ZPLD1: variants seen among roughly 807,000 people sequenced by gnomAD.
ZPLD1 encodes zona pellucida-like domain-containing protein 1.
Under a neutral mutation model 47.2 loss-of-function variants are expected in ZPLD1, and 34 were observed. That is an observed-to-expected ratio of 0.72 (90% CI 0.55 to 0.96). The LOEUF (loss-of-function observed/expected upper bound fraction) is 0.96, where lower values mean the gene tolerates loss of function less well. ZPLD1 is among the 40% of genes least tolerant of loss of function. ZPLD1 has a pLI of 0.00. For missense variants in ZPLD1, 512 were observed against 505.8 expected, an observed-to-expected ratio of 1.01 and a Z score of -0.12; for synonymous variants, 176 against 186.2, an observed-to-expected ratio of 0.95 and a Z score of 0.45.
At chr3:102,456,553 C>A (rs62272488) in intron 5 of ZPLD1, among the ~76,000 whole-genome samples, 179 bp downstream of exon 5, 5 of 99,176 alleles carry the variant, frequency 5.0e-5, no homozygotes, top group Non-Finnish European at 9.3e-5. Context: ...TTATATCTAT[C>A]TATCTATCTA....
chr3:102,426,245 C>A (rs1018025534), intron 8 of ZPLD1, among the ~76,000 whole-genome samples: 1 of 152,070 alleles, frequency 6.6e-6, no homozygotes, highest in South Asian at 2.1e-4. Context: ...GGGCCGGGTG[C>A]GGTGGCTCAC....
intron 6 of ZPLD1, among the ~76,000 whole-genome samples, chr3:102,391,934 C>A (rs538894962): frequency 6.6e-6 from 1 of 152,106 alleles, no homozygotes; most frequent in African/African-American, 2.4e-5. Context: ...TTTTCGAGCT[C>A]ATAGCTAAGA....
intron 3 of ZPLD1, among the ~76,000 whole-genome samples, chr3:102,445,545 C>A (rs1234317058): frequency 6.6e-6 from 1 of 152,226 alleles, no homozygotes; most frequent in African/African-American, 2.4e-5. Flanking sequence ...GAAGTTGTAA[C>A]ATCAGCATCA....
At chr3:102,473,570 T>A (rs919425818) in intron 10 of ZPLD1, among the ~76,000 whole-genome samples, 2 of 152,146 alleles carry the variant, frequency 1.3e-5, no homozygotes, top group African/African-American at 4.8e-5. Flanking sequence ...TCCTCTCTCA[T>A]TCTCTCTCGA....
chr3:102,408,615 T>C (rs1000138127), intron 7 of ZPLD1, among the ~76,000 whole-genome samples: 1 of 151,842 alleles, frequency 6.6e-6, no homozygotes, highest in South Asian at 2.1e-4. Flanking sequence ...TTTCTTGCAA[T>C]TTAACTTTGC....
At chr3:102,470,839 T>A (rs1707672797) in intron 10 of ZPLD1, among the ~76,000 whole-genome samples, 2 of 151,974 alleles carry the variant, frequency 1.3e-5, no homozygotes, top group Non-Finnish European at 2.9e-5. Flanking sequence ...GGTGCAGTGG[T>A]GTGATCTCGG....
intron 3 of ZPLD1, among the ~76,000 whole-genome samples, chr3:102,442,189 T>C (rs1363172651): frequency 6.6e-6 from 1 of 152,138 alleles, no homozygotes; most frequent in Non-Finnish European, 1.5e-5. Flanking sequence ...AGTCTCCTCC[T>C]CTATTTTCAA....
intron 7 of ZPLD1, among the ~76,000 whole-genome samples, chr3:102,401,519 G>A (rs1290234607): frequency 6.6e-6 from 1 of 152,058 alleles, no homozygotes; most frequent in African/African-American, 2.4e-5. Flanking sequence ...GTCTTCACAC[G>A]ATACCTTAGA....
chr3:102,438,779 G>T (rs1170928360), intron 3 of ZPLD1, among the ~76,000 whole-genome samples, 186 bp downstream of exon 3: 1 of 151,748 alleles, frequency 6.6e-6, no homozygotes, highest in Non-Finnish European at 1.5e-5. Context: ...CATACAAAGT[G>T]TTCATCATAG....
intron 8 of ZPLD1, among the ~76,000 whole-genome samples, chr3:102,427,165 C>T (rs1190883884): frequency 4.6e-5 from 7 of 152,028 alleles, no homozygotes; most frequent in Admixed American, 1.3e-4. Flanking sequence ...TATTTTATTT[C>T]GTGATTATTG....
Position 102,435,038 on chromosome 3 carries a change from C to T in ZPLD1, c.-239C>T, listed in dbSNP as rs556432800. 1 of 1,512,808 alleles carries T rather than the reference C, an allele frequency of 6.6e-7. No individual in the cohort carries two copies. Among genetic ancestry groups the T allele is most frequent in the African/African-American group, 1.4e-5 (1 of 72,846 alleles). The allele number at this position is 1,512,808 out of a possible 1,614,324, so 93.7% of individuals were successfully genotyped here. On this transcript the variant is annotated 5_prime_UTR_variant, in exon 1 of 12. Transcript: ENST00000466937. The stretch of plus-strand genomic sequence containing the variant: ...TGTAAAGGGTGTTAACATAATCCCC[C>T]AATCCCATACAATTCAATTTCAGAA...
At chr3:102,477,169 G>T in intron 11 of ZPLD1, 128 bp downstream of exon 11, 1 of 1,083,020 alleles carries the variant, frequency 9.2e-7, no homozygotes, top group East Asian at 2.4e-5. Flanking sequence ...AGTTCACTGA[G>T]GGTTTTCAAA....
intron 6 of ZPLD1, among the ~76,000 whole-genome samples, chr3:102,461,284 G>T (rs1321732037): frequency 6.6e-6 from 1 of 151,922 alleles, no homozygotes; most frequent in East Asian, 1.9e-4. Flanking sequence ...ATTGGCCTCT[G>T]TTAAATGATG....
In ZPLD1 at chr3:102,456,287, C is replaced by A; in HGVS notation, c.422C>A (p.Thr141Lys). ...TATATTGATACTCCAGACCCACCAA[C>A]AATCATCAGCTATCTACCTGGGCTT... is the stretch of plus-strand genomic sequence containing the variant. ...SGYIDTPDPP[T>K]IISYLPGLLY... The change falls in exon 5 of 12, where the codon ACA becomes AAA. Residue 141 changes from threonine to lysine, a missense_variant. Thr to Lys is a moderately conservative substitution (Grantham distance 78, BLOSUM62 -1). Transcript: ENST00000466937. 6.2e-7 allele frequency: 1 copy of A among 1,613,896 alleles called. No homozygotes were observed. The highest frequency in any genetic ancestry group is 1.1e-5 in the South Asian group (1 of 91,080).
intron 7 of ZPLD1, among the ~76,000 whole-genome samples, chr3:102,403,407 G>A (rs1400558893): frequency 6.6e-6 from 1 of 151,770 alleles, no homozygotes; most frequent in Non-Finnish European, 1.5e-5. Flanking sequence ...TCCTCTTCTT[G>A]TACCTCTTCA....
intron 8 of ZPLD1, among the ~76,000 whole-genome samples, chr3:102,421,737 G>C (rs1706881737): frequency 1.3e-5 from 2 of 151,658 alleles, no homozygotes; most frequent in African/African-American, 4.8e-5. Flanking sequence ...AAGTACAGCT[G>C]AACCTTGTTT....
Position 102,444,268 on chromosome 3 carries a change from A to G in ZPLD1, c.106+5675A>G, listed in dbSNP as rs369908021. Among the ~76,000 whole-genome samples, 68 of 152,338 alleles carry G rather than the reference A, an allele frequency of 4.5e-4. No homozygotes were observed. The South Asian group carries it at 0.013, about 30-fold the overall frequency. On this transcript the variant is annotated intron_variant, in intron 3 of 11. Coordinates refer to ENST00000466937, the MANE Select transcript of ZPLD1 (RefSeq NM_001329788.2). ...CAAAGTTTGCCTCAGACTGCTTATG[A>G]ACTTCCTAGAGCACTGGAAACAACA...
chr3:102,391,516 G>T (rs974846608), intron 6 of ZPLD1, among the ~76,000 whole-genome samples: 1 of 151,932 alleles, frequency 6.6e-6, no homozygotes, highest in Non-Finnish European at 1.5e-5. Flanking sequence ...GTTTCTGCTT[G>T]GTTTTCTTGG....
chr3:102,441,931 G>A (rs1020296307), intron 3 of ZPLD1, among the ~76,000 whole-genome samples: 1 of 152,024 alleles, frequency 6.6e-6, no homozygotes, highest in Non-Finnish European at 1.5e-5. Context: ...TTGCAATTTG[G>A]AGCAAGGCTC....
Sources: gnomAD v4.1 joint callset for allele counts (sites outside exome capture counted in the v4.1 genomes callset) on GRCh38, gnomAD v4.1.1 for gene constraint, MANE v1.5 for transcripts, NCBI Gene and HGNC (gene_info 2026-07-23, HGNC 2026-07-21) for gene names.